The following TNS1 variants were observed in gnomAD, a reference collection of about 807,000 sequenced individuals.
The protein encoded by TNS1 is tensin 1, also known as tensin-1.
In TNS1, 62 loss-of-function variants were observed where a neutral mutation model predicts 168.6. The ratio of observed to expected loss-of-function variants is 0.37; its 90% CI spans 0.30 to 0.45. TNS1 has a LOEUF of 0.45. Ranked by LOEUF, TNS1 falls within the 20% of genes least tolerant of loss-of-function variation. TNS1 has a pLI of 1.00. For missense variants in TNS1, 2,240 were observed against 2,339.4 expected (o/e 0.96, Z 0.88); for synonymous variants, 934 against 933.2 (o/e 1.00, Z -0.02).
At chr2:217,824,038 A>C (rs373828980) in intron 22 of TNS1, among the ~76,000 whole-genome samples, 11 of 152,336 alleles carry the variant, frequency 7.2e-5, no homozygotes, top group African/African-American at 2.4e-4. Context: ...GTAAAGACTT[A>C]ATAGTAAATA....
intron 1 of TNS1, among the ~76,000 whole-genome samples, chr2:218,030,109 C>G (rs1273179958): frequency 6.6e-6 from 1 of 152,284 alleles, no homozygotes; most frequent in African/African-American, 2.4e-5. Flanking sequence ...TGCCCTGCCT[C>G]CCAGGCACCT....
chr2:217,858,447 C>T, intron 18 of TNS1: 2 of 915,100 alleles, frequency 2.2e-6, no homozygotes, highest in Non-Finnish European at 2.6e-6. Flanking sequence ...CAGAAAGCCA[C>T]ACAAGAACAC....
chr2:217,846,126 A>G (rs1946615233), intron 19 of TNS1, among the ~76,000 whole-genome samples: 2 of 152,192 alleles, frequency 1.3e-5, no homozygotes, highest in African/African-American at 4.8e-5. Flanking sequence ...GGAGCGTTTC[A>G]TCCGAGGTTA....
intron 3 of TNS1, among the ~76,000 whole-genome samples, chr2:217,924,251 G>T (rs1252597898): frequency 6.6e-6 from 1 of 151,824 alleles, no homozygotes; most frequent in Non-Finnish European, 1.5e-5. Flanking sequence ...TTCTGGCTTT[G>T]GCTTAAATGT....
intron 3 of TNS1, among the ~76,000 whole-genome samples, chr2:217,936,813 C>A (rs1956632709): frequency 6.6e-6 from 1 of 152,182 alleles, no homozygotes. Context: ...TTGCTCCATG[C>A]CAGGCACTGG....
chr2:217,919,809 G>A (rs1267652100), intron 4 of TNS1, among the ~76,000 whole-genome samples: 1 of 152,174 alleles, frequency 6.6e-6, no homozygotes, highest in Non-Finnish European at 1.5e-5. Context: ...AATGGACTCT[G>A]AGGGTCATCC....
intron 19 of TNS1, among the ~76,000 whole-genome samples, chr2:217,844,146 A>T (rs554518089): frequency 6.6e-6 from 1 of 152,198 alleles, no homozygotes; most frequent in Non-Finnish European, 1.5e-5. Context: ...CAATCAACAC[A>T]TAAGTGCATT....
intron 3 of TNS1, among the ~76,000 whole-genome samples, chr2:217,922,952 A>G (rs1334844139): frequency 1.3e-5 from 2 of 151,888 alleles, no homozygotes; most frequent in Non-Finnish European, 2.9e-5. Context: ...TTTTTTAAGC[A>G]AAGAAATGTT....
At chr2:217,830,255 T>G (rs1944221937) in intron 22 of TNS1, 1 of 1,396,830 alleles carries the variant, frequency 7.2e-7, no homozygotes, top group Admixed American at 2.0e-5. Flanking sequence ...CCAGCCCCCT[T>G]CTACTGATCC....
chr2:218,007,360 G>C (rs112374095), upstream of TNS1, among the ~76,000 whole-genome samples: 29 of 152,286 alleles, frequency 1.9e-4, no homozygotes, highest in African/African-American at 7.0e-4. Flanking sequence ...GAGGCACATA[G>C]AGGTTCAGCA....
chr2:218,006,823 TA>T (rs797022477), upstream of TNS1, among the ~76,000 whole-genome samples: 47 of 150,556 alleles, frequency 3.1e-4, no homozygotes, highest in African/African-American at 9.5e-4. Flanking sequence ...AGTGTTGGCT[TA>T]AAAAAAAACC....
At chr2:217,828,563 C>T (rs1167400605) in intron 22 of TNS1, among the ~76,000 whole-genome samples, 1 of 152,184 alleles carries the variant, frequency 6.6e-6, no homozygotes, top group East Asian at 1.9e-4. Context: ...ACCCTGGCCT[C>T]CCGCCCAGGC....
At chr2:217,860,515 C>T (rs1442449880) in intron 18 of TNS1, among the ~76,000 whole-genome samples, 1 of 152,158 alleles carries the variant, frequency 6.6e-6, no homozygotes, top group African/African-American at 2.4e-5. Flanking sequence ...CTAGAACTAA[C>T]CAACAAACCT....
At chr2:217,997,303 T>C (rs1397443296) in intron 1 of TNS1, among the ~76,000 whole-genome samples, 2 of 152,216 alleles carry the variant, frequency 1.3e-5, no homozygotes, top group East Asian at 1.9e-4. Context: ...GTCATTCTAC[T>C]GCCCCAAGAA....
chr2:217,881,826 A>G (rs1950715373), intron 17 of TNS1: 2 of 152,350 alleles, frequency 1.3e-5, no homozygotes, highest in Non-Finnish European at 2.9e-5. Context: ...CTGGCTTGGC[A>G]GTCCTTTCTT....
At chr2:217,816,486 C>T (rs1941906503) in intron 24 of TNS1, among the ~76,000 whole-genome samples, 1 of 152,170 alleles carries the variant, frequency 6.6e-6, no homozygotes, top group Non-Finnish European at 1.5e-5. Context: ...AGCTCCCTTT[C>T]CTGGCAGCCG....
Position 217,818,386 on chromosome 2 carries a change from A to T in TNS1, c.3946T>A (p.Leu1316Met), listed in dbSNP as rs1942263492. The change falls in exon 24 of 33, where the codon TTG (leucine) becomes ATG (methionine). Residue 1316 changes from leucine to methionine, a missense_variant. Leu to Met is a conservative substitution (Grantham distance 15). Coordinates refer to ENST00000682258, the MANE Select transcript of TNS1 (RefSeq NM_001387777.1). The stretch of plus-strand genomic sequence containing the variant: ...GGACCCATCATCTGGTGATGGCTCA[A>T]ACTGGGACTGCTGGGGGCAGCCATG... Reference protein sequence around the residue: ...PSMAAPSSPSLSHHQMMGPPG... With the variant: ...PSMAAPSSPSMSHHQMMGPPG... 1 of 1,614,174 alleles carries T rather than the reference A, an allele frequency of 6.2e-7. No individual in the cohort carries two copies. The highest frequency in any genetic ancestry group is 2.2e-5 in the East Asian group (1 of 44,878).
chr2:218,003,771 C>T (rs1252147373), upstream of TNS1, among the ~76,000 whole-genome samples: 3 of 151,540 alleles, frequency 2.0e-5, no homozygotes, highest in African/African-American at 2.4e-5. Context: ...TTGCATTTCC[C>T]CACTTCCTCC....
chr2:217,965,974 G>C (rs1013612212), intron 3 of TNS1, among the ~76,000 whole-genome samples: 2 of 151,402 alleles, frequency 1.3e-5, no homozygotes, highest in Non-Finnish European at 2.9e-5. Flanking sequence ...GCTTCATCCA[G>C]CATCCTGTTC....
Sources: allele counts gnomAD v4.1 joint callset (sites outside exome capture counted in the v4.1 genomes callset), GRCh38; gene constraint gnomAD v4.1.1; transcripts MANE v1.5; gene names NCBI Gene and HGNC (gene_info 2026-07-23, HGNC 2026-07-21).